CREBL2: variants seen among roughly 807,000 people sequenced by gnomAD.
CREBL2 encodes cAMP-responsive element-binding protein-like 2.
In CREBL2, 4 loss-of-function variants were observed where a neutral mutation model predicts 19.5. The observed-to-expected ratio is 0.20, with a 90% CI of 0.10 to 0.47. The LOEUF (loss-of-function observed/expected upper bound fraction) is 0.47. Ranked by LOEUF, CREBL2 falls within the 20% of genes least tolerant of loss-of-function variation. CREBL2 has a pLI of 0.98. For missense variants in CREBL2, 85 were observed against 145.1 expected (o/e 0.59, Z 2.13); for synonymous variants, 42 against 46.6 (o/e 0.90, Z 0.40).
At chr12:12,619,055 G>A (rs1176958460) in intron 1 of CREBL2, among the ~76,000 whole-genome samples, 5 of 151,856 alleles carry the variant, frequency 3.3e-5, no homozygotes, top group Admixed American at 3.3e-4. Flanking sequence ...AGAGGGAGAG[G>A]GAGAGGAGGG....
intron 1 of CREBL2, among the ~76,000 whole-genome samples, chr12:12,619,204 G>A (rs1945341314): frequency 6.6e-6 from 1 of 152,190 alleles, no homozygotes; most frequent in South Asian, 2.1e-4. Flanking sequence ...GGGCAGTGGG[G>A]TGGGACATAA....
chr12:12,639,492 A>G (rs993885659), intron 3 of CREBL2, among the ~76,000 whole-genome samples: 9 of 152,148 alleles, frequency 5.9e-5, no homozygotes, highest in African/African-American at 1.9e-4. Context: ...AGCCATCCTA[A>G]TGGGTATGGA....
At chr12:12,628,005 G>T (rs1021551356) in intron 1 of CREBL2, among the ~76,000 whole-genome samples, 1 of 151,946 alleles carries the variant, frequency 6.6e-6, no homozygotes, top group Non-Finnish European at 1.5e-5. Flanking sequence ...TCAGCCTCCC[G>T]AGTAGCTGGG....
rs528180993 is a variant in CREBL2 at position 12,635,780 on chromosome 12, G to C, written c.19G>C (p.Val7Leu). The change falls in exon 2 of 4, where the codon GTT becomes CTT. Residue 7 changes from valine (V) to leucine (L), a missense_variant. Physicochemically the swap from Val to Leu is conservative, Grantham distance 32. Around this residue, in one of 5 missense-constraint regions of CREBL2, gnomAD observed 16 missense variants for 17.0 expected, o/e 0.94. Transcript: ENST00000228865. ...TTTCTTCTCTCGCTTGCTGAAGGTGGTTGGAGGCAAAGTAAAGAAGCCCGG... is the reference window on the plus strand; with the variant it reads ...TTTCTTCTCTCGCTTGCTGAAGGTGCTTGGAGGCAAAGTAAAGAAGCCCGG... Reference protein sequence around the residue: MDDSKVVGGKVKKPGKR... With the variant: MDDSKVLGGKVKKPGKR... 4.3e-6 allele frequency: 7 copies of C among 1,609,546 alleles called. No homozygotes were observed. The highest frequency in any genetic ancestry group is 5.9e-6 in the Non-Finnish European group (7 of 1,177,634).
At chr12:12,632,712 AGT>A (rs1945450018) in intron 1 of CREBL2, 1 of 152,088 alleles carries the variant, frequency 6.6e-6, no homozygotes, top group Non-Finnish European at 1.5e-5. Context: ...CTTTTCAAAA[AGT>A]GTATTCAATA....
At chr12:12,614,619 A>G (rs1945294908) in intron 1 of CREBL2, 3 of 286,150 alleles carry the variant, frequency 1.0e-5, no homozygotes, top group South Asian at 6.5e-5. Context: ...AGGAATGCAC[A>G]TCCATTCCTA....
At chr12:12,622,602 TTCTC>T (rs1245047718) in intron 1 of CREBL2, among the ~76,000 whole-genome samples, 1 of 152,224 alleles carries the variant, frequency 6.6e-6, no homozygotes, top group Non-Finnish European at 1.5e-5. Flanking sequence ...TACTTGATCT[TTCTC>T]CTGTCGACTA....
chr12:12,614,857 G>GTTTTTT, intron 1 of CREBL2: 7 of 168,736 alleles, frequency 4.1e-5, no homozygotes, highest in South Asian at 6.7e-5. Context: ...TAGGGCATTA[G>GTTTTTT]TTTTTTTTTT....
At chr12:12,623,566 T>C (rs1945377968) in intron 1 of CREBL2, among the ~76,000 whole-genome samples, 1 of 152,032 alleles carries the variant, frequency 6.6e-6, no homozygotes, top group Non-Finnish European at 1.5e-5. Context: ...ATGCAGGGGA[T>C]GGGGTTCAGG....
intron 3 of CREBL2, among the ~76,000 whole-genome samples, chr12:12,641,253 A>ATTATTATTTTTTTTTTTTTTTTT (rs1478394376): frequency 2.6e-5 from 2 of 78,262 alleles, no homozygotes; most frequent in Non-Finnish European, 5.0e-5. Context: ...TATTATTATT[A>ATTATTATTTTTTTTTTTTTTTTT]TTTTTTTTTA....
chr12:12,642,433 A>G lies in CREBL2; in HGVS notation c.*435A>G, dbSNP rs1945530164. ...TGATTGCCCTACAAAGAGAAACCAAATGAGCTGATTACTGACTATAAGTTC... is the reference window on the plus strand; with the variant it reads ...TGATTGCCCTACAAAGAGAAACCAAGTGAGCTGATTACTGACTATAAGTTC... On this transcript the variant is annotated 3_prime_UTR_variant, in exon 4 of 4. Transcript: ENST00000228865. 1 of 154,662 alleles carries G rather than the reference A, an allele frequency of 6.5e-6. No individual in the cohort carries two copies. Among genetic ancestry groups the G allele is most frequent in the Non-Finnish European group, 1.4e-5 (1 of 69,520 alleles). 9.6% of individuals were successfully genotyped at this position (154,662 alleles called of 1,614,324 possible). A position where few individuals can be genotyped will look rare whatever the true frequency, so the allele number is the denominator to read the frequency against.
At chr12:12,619,770 A>G (rs1231465240) in intron 1 of CREBL2, among the ~76,000 whole-genome samples, 1 of 152,236 alleles carries the variant, frequency 6.6e-6, no homozygotes. Context: ...GAAATATCCT[A>G]AGGCGTCAAG....
intron 1 of CREBL2, among the ~76,000 whole-genome samples, chr12:12,622,106 G>T (rs1190201822): frequency 6.6e-6 from 1 of 152,068 alleles, no homozygotes; most frequent in East Asian, 1.9e-4. Flanking sequence ...ATACGGATTG[G>T]GTGTGTTAAT....
intron 1 of CREBL2, among the ~76,000 whole-genome samples, chr12:12,631,901 C>T (rs1036304181): frequency 1.3e-5 from 2 of 151,878 alleles, no homozygotes; most frequent in African/African-American, 4.8e-5. Context: ...CTGTGTTATA[C>T]TTACTCTCTT....
intron 2 of CREBL2, among the ~76,000 whole-genome samples, chr12:12,636,794 A>T (rs945300135): frequency 2.0e-5 from 3 of 152,206 alleles, no homozygotes; most frequent in Non-Finnish European, 2.9e-5. Context: ...TAAAAATGTG[A>T]AAGAGAGTAG....
At chr12:12,641,250 A>G (rs200300347) in intron 3 of CREBL2, among the ~76,000 whole-genome samples, 1 of 58,020 alleles carries the variant, frequency 1.7e-5, no homozygotes, top group African/African-American at 6.1e-5. Flanking sequence ...TATTATTATT[A>G]TTATTTTTTT....
intron 1 of CREBL2, among the ~76,000 whole-genome samples, chr12:12,627,337 T>TA (rs1172811123): frequency 6.6e-6 from 1 of 152,036 alleles, no homozygotes; most frequent in African/African-American, 2.4e-5. Flanking sequence ...TAAACAGCTG[T>TA]AAAAAAATAA....
At chr12:12,632,312 C>T (rs948281288) in intron 1 of CREBL2, among the ~76,000 whole-genome samples, 4 of 151,636 alleles carry the variant, frequency 2.6e-5, no homozygotes, top group Non-Finnish European at 5.9e-5. Context: ...CTCCTGACCT[C>T]GTGATCCGCC....
chr12:12,612,252 C>G (rs1945273562), intron 1 of CREBL2, 65 bp downstream of exon 1: 1 of 1,612,066 alleles, frequency 6.2e-7, no homozygotes. Flanking sequence ...CGCGGCTGAA[C>G]CTCCGCTATG....
Sources: gnomAD v4.1 joint callset for allele counts (sites outside exome capture counted in the v4.1 genomes callset) on GRCh38, gnomAD v4.1.1 for gene constraint, gnomAD v4.1.1 regional missense constraint, MANE v1.5 for transcripts, NCBI Gene and HGNC (gene_info 2026-07-23, HGNC 2026-07-21) for gene names.